The following TBC1D10B variants were observed in gnomAD, a reference collection of about 807,000 sequenced individuals.
TBC1D10B encodes the protein Rab27A-GAPbeta.
Under a neutral mutation model 78.4 loss-of-function variants are expected in TBC1D10B, and 25 were observed. The observed-to-expected ratio is 0.32, with a 90% CI of 0.23 to 0.45. The LOEUF (loss-of-function observed/expected upper bound fraction) is 0.45. Ranked by LOEUF, TBC1D10B falls within the 20% of genes least tolerant of loss-of-function variation. The probability of loss-of-function intolerance (pLI) is 1.00; values close to 1 mark genes in which losing one functional copy is unlikely to be tolerated. For missense variants in TBC1D10B, 996 were observed against 1,104.8 expected (o/e 0.90, Z 1.40); for synonymous variants, 517 against 478.0 (o/e 1.08, Z -1.06).
Position 30,365,897 on chromosome 16 carries a change from C to A in TBC1D10B, c.957-303G>T, listed in dbSNP as rs2049631911. The stretch of plus-strand genomic sequence containing the variant: ...CATTAGATCTGGATCCACGTCCTAG[C>A]TTTACCATTTATTCATTGTGTGACC... On this transcript the variant is annotated intron_variant, in intron 1 of 8. Coordinates refer to ENST00000409939, the MANE Select transcript of TBC1D10B (RefSeq NM_015527.4). The surrounding 1 kb of genome is among the most constrained non-coding windows in gnomAD (Gnocchi z 5.0). The A allele has an allele frequency of 2.9e-6, 1 of 349,252 alleles. No homozygotes were observed. Among genetic ancestry groups the A allele is most frequent in the African/African-American group, 2.1e-5 (1 of 48,474 alleles). The allele number at this position is 349,252 out of a possible 1,614,324, so 21.6% of individuals were successfully genotyped here. A position where few individuals can be genotyped will look rare whatever the true frequency, so the allele number is the denominator to read the frequency against.
chr16:30,357,692 A>C lies in TBC1D10B; in HGVS notation c.*252T>G, dbSNP rs112155777. 964 of 600,244 alleles carry C rather than the reference A, an allele frequency of 1.6e-3. 12 individuals are homozygous for C. The highest frequency in any genetic ancestry group is 8.3e-3 in the South Asian group (390 of 46,798). The allele number at this position is 600,244 out of a possible 1,614,324, so 37.2% of individuals were successfully genotyped here. ...CAGGACAGCACCTAGGAGGGGACCC[A>C]GAGGGAACTGGGGCAGGAGCGACAG... On this transcript the variant is annotated 3_prime_UTR_variant, in exon 9 of 9. Transcript: ENST00000409939.
chr16:30,359,441 A>C, intron 6 of TBC1D10B, 80 bp from the exon 7 acceptor site: 2 of 1,545,964 alleles, frequency 1.3e-6, no homozygotes, highest in Admixed American at 2.0e-5. Flanking sequence ...CCCTGTGGGC[A>C]GAAGCCGGGA....
chr16:30,369,851 G>C lies in TBC1D10B; in HGVS notation c.333C>G (p.Ser111=). 7.1e-7 allele frequency: 1 copy of C among 1,408,278 alleles called. No individual in the cohort carries two copies. The highest frequency in any genetic ancestry group is 9.2e-7 in the Non-Finnish European group (1 of 1,083,948). The allele number at this position is 1,408,278 out of a possible 1,614,324, so 87.2% of individuals were successfully genotyped here. A position where few individuals can be genotyped will look rare whatever the true frequency, so the allele number is the denominator to read the frequency against. The change falls in exon 1 of 9, where the codon TCC becomes TCG. Residue 111 remains serine, a synonymous_variant. Transcript: ENST00000409939. The surrounding 1 kb of genome is among the most constrained non-coding windows in gnomAD (Gnocchi z 4.3). Reference sequence around the variant, plus strand: ...CTCCAGCCACTGCCGCGGGCTCTGGGGATTCCGGGCCGGAGGGGAGCTGCG... The same window carrying C: ...CTCCAGCCACTGCCGCGGGCTCTGGCGATTCCGGGCCGGAGGGGAGCTGCG... The part of the protein sequence containing the change: ...PKPQLPSGPE[S]PEPAAVAGVE...
chr16:30,369,709 T>G lies in TBC1D10B; in HGVS notation c.475A>C (p.Arg159=). The change falls in exon 1 of 9, where the codon AGA becomes CGA. Residue 159 remains arginine, a synonymous_variant. Coordinates refer to ENST00000409939, the MANE Select transcript of TBC1D10B (RefSeq NM_015527.4). The surrounding 1 kb of genome is among the most constrained non-coding windows in gnomAD (Gnocchi z 4.3). ...GCGGTCAGGGCACCAGGAGCCGTTCTGGAAGGGGTCCTGGTAGGGGTCCCG... is the reference window on the plus strand; with the variant it reads ...GCGGTCAGGGCACCAGGAGCCGTTCGGGAAGGGGTCCTGGTAGGGGTCCCG... ...PTGTPTRTPS[R]TAPGALTAKP... The G allele has an allele frequency of 6.7e-7, 1 of 1,502,548 alleles. No individual in the cohort carries two copies. The highest frequency in any genetic ancestry group is 8.9e-7 in the Non-Finnish European group (1 of 1,124,250). 93.1% of individuals were successfully genotyped at this position (1,502,548 alleles called of 1,614,324 possible).
rs1161852745 is a variant in TBC1D10B at position 30,365,224 on chromosome 16, T to G, written c.1057-12A>C. ...CAGCGCAGCTTCACCTAAGGCAAAG[T>G]GGCAGGAGGGGGACAGCTTCAAGGG... On this transcript the variant is annotated splice_polypyrimidine_tract_variant and intron_variant, in intron 2 of 8. Transcript: ENST00000409939. The surrounding 1 kb of genome is among the most constrained non-coding windows in gnomAD (Gnocchi z 5.0). The G allele has an allele frequency of 6.2e-7, 1 of 1,612,282 alleles. No homozygotes were observed. The highest frequency in any genetic ancestry group is 1.7e-5 in the Admixed American group (1 of 60,016).
chr16:30,369,556 G>A lies in TBC1D10B; in HGVS notation c.628C>T (p.Pro210Ser), dbSNP rs2049667310. ...GTGCCAGGGCCTGAGGGGTCCTCAG[G>A]AGCCTGTCCTGCTGATGCTGATGTT... ...AATSASAGQA[P>S]EDPSGPGTGP... Residue 210 changes from proline (P) to serine (S), a missense_variant, in exon 1 of 9, where the codon CCT becomes TCT. This residue lies in a region of TBC1D10B where 448 missense variants were observed against 442.1 expected (regional missense o/e 1.01). Transcript: ENST00000409939. The surrounding 1 kb of genome is among the most constrained non-coding windows in gnomAD (Gnocchi z 4.3). The A allele has an allele frequency of 2.6e-6, 4 of 1,541,226 alleles. No homozygotes were observed. In the East Asian group the frequency reaches 9.8e-5, roughly 38 times the overall value.
intron 1 of TBC1D10B, among the ~76,000 whole-genome samples, chr16:30,368,294 C>T (rs990955214): frequency 6.6e-6 from 1 of 152,214 alleles, no homozygotes; most frequent in Non-Finnish European, 1.5e-5. Context: ...TGACTCCCTG[C>T]TCTAGGTGCC....
intron 4 of TBC1D10B, among the ~76,000 whole-genome samples, chr16:30,362,119 G>A (rs967749222): frequency 6.6e-6 from 1 of 152,070 alleles, no homozygotes; most frequent in African/African-American, 2.4e-5. Flanking sequence ...AATGTGCTGG[G>A]ATTACAGGCG....
chr16:30,369,359 G>A lies in TBC1D10B; in HGVS notation c.825C>T (p.Leu275=), dbSNP rs780123330. ...DTLSYLDSVS[L]MSGTLESLAD... Reference sequence around the variant, plus strand: ...CCAAGGACTCCAAGGTCCCAGACATGAGGCTCACGGAGTCCAAGTAACTCA... The same window carrying A: ...CCAAGGACTCCAAGGTCCCAGACATAAGGCTCACGGAGTCCAAGTAACTCA... Residue 275 remains leucine (L), a synonymous_variant, in exon 1 of 9, where the codon CTC becomes CTT. Coordinates refer to ENST00000409939, the MANE Select transcript of TBC1D10B (RefSeq NM_015527.4). The surrounding 1 kb of genome is among the most constrained non-coding windows in gnomAD (Gnocchi z 4.3). The A allele has an allele frequency of 2.5e-6, 4 of 1,596,762 alleles. No homozygotes were observed. In the South Asian group the frequency reaches 4.5e-5, roughly 18 times the overall value.
At position 30,358,582 on chromosome 16, in the gene TBC1D10B, A is replaced by G. The variant is rs748559451; in HGVS notation, c.1798-9T>C. 1.9e-6 allele frequency: 3 copies of G among 1,594,772 alleles called. No individual in the cohort carries two copies. The African/African-American group carries it at 4.0e-5, about 21-fold the overall frequency. The stretch of plus-strand genomic sequence containing the variant: ...ACCGGCAGATTGGTCACCTGCACAG[A>G]GAGGAAATGCGTACCAGAATGGAGC... On this transcript the variant is annotated splice_polypyrimidine_tract_variant and intron_variant, in intron 8 of 8. Transcript: ENST00000409939.
chr16:30,359,867 G>T, intron 4 of TBC1D10B, 26 bp from the exon 5 acceptor site: 1 of 1,532,252 alleles, frequency 6.5e-7, no homozygotes, highest in South Asian at 1.2e-5. Context: ...AAGACTGTGA[G>T]GGCAGTCACG....
intron 1 of TBC1D10B, chr16:30,366,843 T>G (rs1176544977): frequency 6.6e-6 from 1 of 152,124 alleles, no homozygotes; most frequent in Non-Finnish European, 1.5e-5. Context: ...TCTGAGACAA[T>G]AGGGAGCTTT....
rs779953424 is a variant in TBC1D10B at position 30,358,445 on chromosome 16, G to A, written c.1926C>T (p.Ile642=). The change falls in exon 9 of 9, where the codon ATC becomes ATT. Residue 642 remains isoleucine (I), a synonymous_variant. Transcript: ENST00000409939. The part of the protein sequence containing the change: ...PSRRLHGSRA[I]HEERRRQQPP... ...GCTGTTGCCGCCGGCGCTCCTCGTG[G>A]ATGGCCCGGGACCCATGCAGTCGCC... 1 of 1,589,638 alleles carries A rather than the reference G, an allele frequency of 6.3e-7. No individual in the cohort carries two copies. Among genetic ancestry groups the A allele is most frequent in the Non-Finnish European group, 8.6e-7 (1 of 1,168,650 alleles).
chr16:30,368,771 A>C (rs2049657164), intron 1 of TBC1D10B, among the ~76,000 whole-genome samples: 1 of 152,156 alleles, frequency 6.6e-6, no homozygotes, highest in South Asian at 2.1e-4. Context: ...CTATGGGGGA[A>C]GGGAGATGCC....
rs1386638048 is a variant in TBC1D10B at position 30,358,369 on chromosome 16, G to A, written c.2002C>T (p.Arg668Ter). Residue 668 changes from arginine to a stop codon, truncating the protein, a stop_gained, in exon 9 of 9, where the codon CGA (arginine) becomes TGA (stop). Coordinates refer to ENST00000409939, the MANE Select transcript of TBC1D10B (RefSeq NM_015527.4). LOFTEE classifies it high-confidence loss of function. ...GCCCCTCCAGCTGCCCGGGAGCCTC[G>A]GCTCTTGAGGCCAGGGAGGCTGAGG... Reference protein sequence around the residue: ...SLLSLPGLKSRGSRAAGGAPS... With the variant: ...SLLSLPGLKS The A allele has an allele frequency of 7.7e-6, 12 of 1,560,716 alleles. No individual in the cohort carries two copies. The highest frequency in any genetic ancestry group is 1.2e-5 in the South Asian group (1 of 84,866).
Position 30,359,588 on chromosome 16 carries a change from G to C in TBC1D10B, c.1402C>G (p.Leu468Val). 1 of 1,562,036 alleles carries C rather than the reference G, an allele frequency of 6.4e-7. No homozygotes were observed. The highest frequency in any genetic ancestry group is 8.7e-7 in the Non-Finnish European group (1 of 1,153,160). The change falls in exon 6 of 9, where the codon CTG (leucine) becomes GTG (valine). Residue 468 changes from leucine to valine, a missense_variant. Leu to Val is a conservative substitution (Grantham distance 32). This residue lies in a region of TBC1D10B where 168 missense variants were observed against 238.7 expected (regional missense o/e 0.70). Transcript: ENST00000409939. ...AGGTACTTGTCGCAGATCTGCACCAGGCACCAAAAGGCTTGCTGAGAAGAG... is the reference window on the plus strand; with the variant it reads ...AGGTACTTGTCGCAGATCTGCACCACGCACCAAAAGGCTTGCTGAGAAGAG... ...HMPAEQAFWCLVQICDKYLPG... is the reference protein window; with the variant it reads ...HMPAEQAFWCVVQICDKYLPG...
chr16:30,363,988 G>A (rs1008363141), intron 4 of TBC1D10B, among the ~76,000 whole-genome samples: 7 of 151,920 alleles, frequency 4.6e-5, no homozygotes, highest in Non-Finnish European at 7.4e-5. Flanking sequence ...GTGGTGGCGC[G>A]CACCTGTAAT....
chr16:30,358,180 G>C lies in TBC1D10B; in HGVS notation c.2191C>G (p.Gln731Glu). The C allele has an allele frequency of 6.4e-7, 1 of 1,552,050 alleles. No individual in the cohort carries two copies. Among genetic ancestry groups the C allele is most frequent in the Non-Finnish European group, 8.7e-7 (1 of 1,146,990 alleles). ...TRKQEKERQKQEKERQKQEKE... is the reference protein window; with the variant it reads ...TRKQEKERQKEEKERQKQEKE... ...TCCTGTTTCTGCCGCTCCTTCTCCT[G>C]TTTCTGCCGCTCCTTCTCCTGCTTC... Residue 731 changes from glutamine to glutamate, a missense_variant, in exon 9 of 9, where the codon CAG becomes GAG. Around this residue, in one of 5 missense-constraint regions of TBC1D10B, gnomAD observed 285 missense variants for 252.5 expected, o/e 1.13. Coordinates refer to ENST00000409939, the MANE Select transcript of TBC1D10B (RefSeq NM_015527.4).
rs373308629 is a variant in TBC1D10B at position 30,358,841 on chromosome 16, C to A, written c.1643-24G>T. The A allele has an allele frequency of 4.8e-5, 76 of 1,587,118 alleles. No homozygotes were observed. In the Middle Eastern group the frequency reaches 8.8e-4, roughly 18 times the overall value. ...GCCTGCAGGGGTGGAGAGTAGAGAG[C>A]ATGGGGTGGTCAGACCCAAGATCTC... On this transcript the variant is annotated intron_variant, in intron 7 of 8. Coordinates refer to ENST00000409939, the MANE Select transcript of TBC1D10B (RefSeq NM_015527.4).
Sources: gnomAD v4.1 joint callset for allele counts (sites outside exome capture counted in the v4.1 genomes callset) on GRCh38, gnomAD v4.1.1 for gene constraint, gnomAD v4.1.1 regional missense constraint, Gnocchi (gnomAD v3.1) non-coding constraint, MANE v1.5 for transcripts, NCBI Gene and HGNC (gene_info 2026-07-23, HGNC 2026-07-21) for gene names.